Variants in DGKD observed in about 807,000 individuals in gnomAD.
DGKD encodes the protein DAG kinase delta.
A neutral mutation model predicts 154.4 loss-of-function variants in DGKD; 68 were observed. The ratio of observed to expected loss-of-function variants is 0.44; its 90% confidence interval spans 0.36 to 0.54. The LOEUF is 0.54. Among genes scored for constraint, DGKD ranks in the 20% least tolerant of loss-of-function variants. The pLI is 0.00. For missense variants in DGKD, 1,343 were observed against 1,593.6 expected, an observed-to-expected ratio of 0.84 and a Z score of 2.68; for synonymous variants, 693 against 638.0, an observed-to-expected ratio of 1.09 and a Z score of -1.30.
At chr2:233,461,424 C>T (rs935449242) in intron 24 of DGKD, among the ~76,000 whole-genome samples, 3 of 152,248 alleles carry the variant, frequency 2.0e-5, no homozygotes, top group Admixed American at 6.5e-5. Context: ...AGCAGGTGGT[C>T]GCTGTCCCAG....
At chr2:233,376,645 A>G (rs1367598262) in intron 1 of DGKD, among the ~76,000 whole-genome samples, 1 of 152,160 alleles carries the variant, frequency 6.6e-6, no homozygotes, top group Admixed American at 6.6e-5. Context: ...AGGGACATGG[A>G]TGAAGCTGGA....
intron 1 of DGKD, chr2:233,386,017 A>G (rs1246088069): frequency 2.1e-6 from 1 of 469,656 alleles, no homozygotes; most frequent in Admixed American, 2.4e-5. Flanking sequence ...GTGTGTAAGT[A>G]TGTGGTGCAG....
intron 1 of DGKD, among the ~76,000 whole-genome samples, chr2:233,367,624 A>G (rs146971026): frequency 1.3e-5 from 2 of 152,168 alleles, no homozygotes; most frequent in East Asian, 3.9e-4. Context: ...TCATTCTTTT[A>G]CATTGTTGTT....
chr2:233,428,015 G>C (rs1040847379), intron 3 of DGKD, among the ~76,000 whole-genome samples: 2 of 152,164 alleles, frequency 1.3e-5, no homozygotes, highest in African/African-American at 4.8e-5. Flanking sequence ...TCAAGGGATT[G>C]AATAGGAAGT....
intron 3 of DGKD, among the ~76,000 whole-genome samples, chr2:233,408,313 C>T (rs1281607831): frequency 5.3e-5 from 8 of 152,202 alleles, no homozygotes; most frequent in African/African-American, 1.4e-4. Context: ...GGATTACAGG[C>T]GTGAGCCACT....
Position 233,464,284 on chromosome 2 carries a change from G to A in DGKD, c.3306+1G>A. On this transcript the variant is annotated splice_donor_variant, in intron 27 of 29. Coordinates refer to ENST00000264057, the MANE Select transcript of DGKD (RefSeq NM_152879.3). LOFTEE classifies it high-confidence loss of function. ...GTCCGCAGAGCCCGGCGACGAAGAG[G>A]TATGTGGCTCATAGGGCTGTGCCTG... 2.5e-6 allele frequency: 4 copies of A among 1,613,562 alleles called. No homozygotes were observed. The highest frequency in any genetic ancestry group is 3.4e-6 in the Non-Finnish European group (4 of 1,179,966).
Position 233,448,382 on chromosome 2 carries a change from TC to T in DGKD, c.1614+10del, listed in dbSNP as rs757168306. 6.2e-7 allele frequency: 1 copy of T among 1,612,170 alleles called. No individual in the cohort carries two copies. Among genetic ancestry groups the T allele is most frequent in the Non-Finnish European group, 8.5e-7 (1 of 1,178,702 alleles). On this transcript the variant is annotated splice_region_variant and intron_variant, in intron 14 of 29. Transcript: ENST00000264057. ...AGAGGTCATGGCCAAGAAGGTCTGT[TC>T]CCGTGCCCTGGGTGGGAGGGGCATT...
chr2:233,370,195 C>T (rs1361511895), intron 1 of DGKD, among the ~76,000 whole-genome samples: 2 of 152,006 alleles, frequency 1.3e-5, no homozygotes, highest in African/African-American at 4.8e-5. Flanking sequence ...ATGGATTTGC[C>T]TATTCTGGAT....
At chr2:233,446,237 G>C (rs1454444688) in intron 11 of DGKD, among the ~76,000 whole-genome samples, 2 of 152,256 alleles carry the variant, frequency 1.3e-5, no homozygotes, top group Non-Finnish European at 2.9e-5. Flanking sequence ...GGCACTCACT[G>C]ACCACATGCC....
chr2:233,371,653 G>T (rs2125400012), intron 1 of DGKD, among the ~76,000 whole-genome samples: 1 of 152,264 alleles, frequency 6.6e-6, no homozygotes, highest in African/African-American at 2.4e-5. Context: ...CACGAGTTTT[G>T]TAGTTTCAGC....
intron 2 of DGKD, among the ~76,000 whole-genome samples, chr2:233,389,666 T>C (rs1167021692): frequency 6.6e-6 from 1 of 152,088 alleles, no homozygotes; most frequent in Non-Finnish European, 1.5e-5. Flanking sequence ...GAGTTTCTTT[T>C]CTGAGTTATT....
intron 3 of DGKD, among the ~76,000 whole-genome samples, chr2:233,401,729 G>C (rs1346960048): frequency 6.6e-6 from 1 of 151,950 alleles, no homozygotes; most frequent in Non-Finnish European, 1.5e-5. Flanking sequence ...AGACCAGCCT[G>C]ACCAACATGA....
intron 1 of DGKD, among the ~76,000 whole-genome samples, chr2:233,374,104 G>A (rs938081729): frequency 5.9e-5 from 9 of 151,894 alleles, no homozygotes; most frequent in African/African-American, 2.2e-4. Context: ...AGGCTGGAGT[G>A]CAGTGGTGTG....
At chr2:233,468,690 G>C (rs1281234294) in intron 29 of DGKD, 137 bp downstream of exon 29, 1 of 1,375,150 alleles carries the variant, frequency 7.3e-7, no homozygotes, top group East Asian at 2.4e-5. Flanking sequence ...TCAGGTGGGG[G>C]CGGCTGTGGC....
At chr2:233,395,770 G>A (rs1036597948) in intron 3 of DGKD, among the ~76,000 whole-genome samples, 3 of 151,326 alleles carry the variant, frequency 2.0e-5, no homozygotes, top group African/African-American at 7.3e-5. Context: ...TCAGGCTCAA[G>A]CGATCCACCG....
chr2:233,457,912 G>A lies in DGKD; in HGVS notation c.2581-372G>A, dbSNP rs113313578. ...ACCTGGTTTAAACCTTCCTTTGTAC[G>A]TAATAGCGAATAGAAGTATTCAGCG... is the stretch of plus-strand genomic sequence containing the variant. On this transcript the variant is annotated intron_variant, in intron 21 of 29. Transcript: ENST00000264057. The surrounding 1 kb of genome is among the most constrained non-coding windows in gnomAD (Gnocchi z 5.5). The A allele has an allele frequency of 4.1e-5, 13 of 320,442 alleles. No homozygotes were observed. Among genetic ancestry groups the A allele is most frequent in the African/African-American group, 1.9e-4 (9 of 47,172 alleles). 19.8% of individuals were successfully genotyped at this position (320,442 alleles called of 1,614,324 possible). A position where few individuals can be genotyped will look rare whatever the true frequency, so the allele number is the denominator to read the frequency against.
rs28631203 is a variant in DGKD at position 233,438,749 on chromosome 2, A to G, written c.1085+370A>G. Among the ~76,000 whole-genome samples the G allele has an allele frequency of 6.2e-5, 5 of 80,680 alleles. No individual in the cohort carries two copies. The highest frequency in any genetic ancestry group is 2.2e-4 in the East Asian group (1 of 4,456). The allele number at this position is 80,680 out of a possible 152,430, so 52.9% of individuals were successfully genotyped here. On this transcript the variant is annotated intron_variant, in intron 9 of 29. Coordinates refer to ENST00000264057, the MANE Select transcript of DGKD (RefSeq NM_152879.3). This position sits in a 1 kb window ranked among gnomAD's most constrained non-coding sequence, Gnocchi z 4.1. ...TTTATAATTTTTTATTTATCTGTCTATCTATCATCTATCTATCTATCTATC... is the reference window on the plus strand; with the variant it reads ...TTTATAATTTTTTATTTATCTGTCTGTCTATCATCTATCTATCTATCTATC...
chr2:233,457,307 G>C lies in DGKD; in HGVS notation c.2559G>C (p.Trp853Cys), dbSNP rs373144975. 2.0e-6 allele frequency: 3 copies of C among 1,537,088 alleles called. No homozygotes were observed. Among genetic ancestry groups the C allele is most frequent in the Admixed American group, 2.0e-5 (1 of 49,978 alleles). ...IPSYAGGTNF[W>C]GGTKEDDTFA... is the part of the protein sequence containing the mutation. ...GCTATGCCGGAGGAACCAACTTCTG[G>C]GGGGGTACCAAGGAAGATGATGTAT... Residue 853 changes from tryptophan (W) to cysteine (C), a missense_variant, in exon 21 of 30, where the codon TGG becomes TGC. This residue lies in a region of DGKD where 429 missense variants were observed against 496.3 expected (regional missense o/e 0.86). Coordinates refer to ENST00000264057, the MANE Select transcript of DGKD (RefSeq NM_152879.3). This position sits in a 1 kb window ranked among gnomAD's most constrained non-coding sequence, Gnocchi z 5.5.
chr2:233,416,110 C>T (rs938795783), intron 3 of DGKD, among the ~76,000 whole-genome samples: 6 of 152,118 alleles, frequency 3.9e-5, no homozygotes, highest in Non-Finnish European at 7.4e-5. Context: ...TCCCCCTTTC[C>T]CTCATTTATG....
Sources: gnomAD v4.1 joint callset for allele counts (sites outside exome capture counted in the v4.1 genomes callset) on GRCh38, gnomAD v4.1.1 for gene constraint, gnomAD v4.1.1 regional missense constraint, Gnocchi (gnomAD v3.1) non-coding constraint, MANE v1.5 for transcripts, NCBI Gene and HGNC (gene_info 2026-07-23, HGNC 2026-07-21) for gene names.